TBL1X: variants seen among roughly 807,000 people sequenced by gnomAD.
TBL1X encodes the protein transducin beta like 1 X-linked, also known as F-box-like/WD repeat-containing protein TBL1X.
A neutral mutation model predicts 50.7 loss-of-function variants in TBL1X; 10 were observed. That is an observed-to-expected ratio of 0.20 (90% confidence interval 0.12 to 0.33). The LOEUF (loss-of-function observed/expected upper bound fraction) is 0.33. Among genes scored for constraint, TBL1X ranks in the 10% least tolerant of loss-of-function variants. The pLI, the probability that TBL1X is intolerant of heterozygous loss-of-function variation, is 1.00. For missense variants in TBL1X, 340 were observed against 504.4 expected, an observed-to-expected ratio of 0.67 and a Z score of 3.12; for synonymous variants, 190 against 214.7, an observed-to-expected ratio of 0.88 and a Z score of 1.01.
intron 5 of TBL1X, among the ~76,000 whole-genome samples, chrX:9,662,379 G>A (rs1479148866): frequency 1.8e-5 from 2 of 112,085 alleles, no homozygotes; most frequent in Non-Finnish European, 3.8e-5. Flanking sequence ...TCATGACTCA[G>A]CTTTGAAAAG....
At chrX:9,715,826 T>G (rs2083274934) in intron 17 of TBL1X, among the ~76,000 whole-genome samples, 1 of 91,482 alleles carries the variant, frequency 1.1e-5, no homozygotes, top group Non-Finnish European at 2.1e-5. Context: ...TGCCCTGACC[T>G]CTGGGGCAAG....
At chrX:9,537,281 CCT>C (rs1015809170) in intron 2 of TBL1X, among the ~76,000 whole-genome samples, 2 of 110,754 alleles carry the variant, frequency 1.8e-5, no homozygotes, top group African/African-American at 6.6e-5. Flanking sequence ...AGATAGGTTT[CCT>C]CTCTCTACTG....
At chrX:9,474,298 A>T (rs1056388167) in intron 1 of TBL1X, among the ~76,000 whole-genome samples, 9 of 113,181 alleles carry the variant, frequency 8.0e-5, no homozygotes, top group African/African-American at 2.9e-4. Flanking sequence ...AACATTTATG[A>T]TGTAGGTCCC....
intron 2 of TBL1X, among the ~76,000 whole-genome samples, chrX:9,516,089 G>C (rs1439994172): frequency 9.0e-6 from 1 of 111,134 alleles, no homozygotes; most frequent in Non-Finnish European, 1.9e-5. Flanking sequence ...TGTGGTCACA[G>C]CTGGTTCATG....
chrX:9,574,714 A>C (rs1387606364), intron 2 of TBL1X, among the ~76,000 whole-genome samples: 2 of 109,671 alleles, frequency 1.8e-5, no homozygotes, highest in East Asian at 5.8e-4. Context: ...CATTCCCCTC[A>C]CTCCTGCCTC....
At chrX:9,570,173 G>A (rs773288120) in intron 2 of TBL1X, among the ~76,000 whole-genome samples, 1 of 112,244 alleles carries the variant, frequency 8.9e-6, no homozygotes, top group South Asian at 3.7e-4. Context: ...TTGGTAAAAC[G>A]ATTCCTCTCC....
rs113718584 is a variant in TBL1X, at chrX:9,604,079, G to A, written c.-130-36194G>A. Reference sequence around the variant, plus strand: ...TAGGACTTTAGCATGTGATTTCTGCGGACTCAGGTCACCCCATAACAGTAG... The same window carrying A: ...TAGGACTTTAGCATGTGATTTCTGCAGACTCAGGTCACCCCATAACAGTAG... On this transcript the variant is annotated intron_variant, in intron 2 of 17. Coordinates refer to ENST00000645353, the MANE Select transcript of TBL1X (RefSeq NM_005647.4). Among the ~76,000 whole-genome samples the A allele has an allele frequency of 8.0e-3, 891 of 111,457 alleles. 10 individuals are homozygous for A. The highest frequency in any genetic ancestry group is 0.027 in the African/African-American group (829 of 30,623).
chrX:9,715,837 C>T (rs1012114419), intron 17 of TBL1X, among the ~76,000 whole-genome samples: 3 of 90,333 alleles, frequency 3.3e-5, no homozygotes, highest in Non-Finnish European at 6.4e-5. Flanking sequence ...CTGGGGCAAG[C>T]GGCCGTTCTG....
chrX:9,531,675 C>T (rs1196095686), intron 2 of TBL1X, among the ~76,000 whole-genome samples: 2 of 109,741 alleles, frequency 1.8e-5, no homozygotes, highest in Non-Finnish European at 3.8e-5. Flanking sequence ...GAGGCCGAGG[C>T]GGGAGGATCC....
intron 2 of TBL1X, among the ~76,000 whole-genome samples, chrX:9,582,973 C>A (rs2082450092): frequency 8.9e-6 from 1 of 112,635 alleles, no homozygotes; most frequent in Non-Finnish European, 1.9e-5. Flanking sequence ...GTGATTTTTA[C>A]CTATAAACAT....
intron 12 of TBL1X, among the ~76,000 whole-genome samples, chrX:9,701,949 C>T (rs1301284673): frequency 4.5e-5 from 5 of 111,749 alleles, no homozygotes; most frequent in African/African-American, 9.8e-5. Context: ...TGCTGACACC[C>T]GCGTCCTCCC....
intron 2 of TBL1X, among the ~76,000 whole-genome samples, chrX:9,593,515 A>C (rs2082512771): frequency 9.0e-6 from 1 of 110,647 alleles, no homozygotes; most frequent in Non-Finnish European, 1.9e-5. Context: ...GTTACCCTAA[A>C]CACTGCCAAC....
chrX:9,649,867 C>T (rs2082824247), intron 3 of TBL1X, among the ~76,000 whole-genome samples: 1 of 112,023 alleles, frequency 8.9e-6, no homozygotes, highest in Non-Finnish European at 1.9e-5. Context: ...TGGCTCACTG[C>T]AGCCTCAGCC....
intron 15 of TBL1X, among the ~76,000 whole-genome samples, chrX:9,711,084 G>A (rs1352589066): frequency 9.0e-6 from 1 of 111,649 alleles, no homozygotes; most frequent in Non-Finnish European, 1.9e-5. Context: ...GCTTACACCT[G>A]TAATCCCAAC....
intron 2 of TBL1X, among the ~76,000 whole-genome samples, chrX:9,624,604 T>C (rs774219582): frequency 8.9e-6 from 1 of 112,087 alleles, no homozygotes; most frequent in Non-Finnish European, 1.9e-5. Context: ...TTTTCTTGTA[T>C]TTGGGTTTTG....
chrX:9,620,303 A>G (rs1415743149), intron 2 of TBL1X, among the ~76,000 whole-genome samples: 1 of 112,281 alleles, frequency 8.9e-6, no homozygotes, highest in Non-Finnish European at 1.9e-5. Context: ...TGAAGTTTGT[A>G]TATTTATCCG....
In TBL1X at chrX:9,653,648, T is replaced by C; in HGVS notation, c.62T>C (p.Met21Thr). The C allele has an allele frequency of 1.7e-6, 2 of 1,173,387 alleles. No individual in the cohort carries two copies. The highest frequency in any genetic ancestry group is 2.3e-4 in the Middle Eastern group (1 of 4,324). ...CACCGCCCTGCAGGAAGAGGGGCCA[T>C]GCAGTCAGTCTTGCACCACTTTCAA... ...CCHRPAGRGA[M>T]QSVLHHFQRL... Residue 21 changes from methionine to threonine, a missense_variant, in exon 4 of 18, where the codon ATG becomes ACG. Transcript: ENST00000645353.
intron 5 of TBL1X, among the ~76,000 whole-genome samples, chrX:9,670,485 G>A (rs1237062847): frequency 1.8e-5 from 2 of 112,142 alleles, no homozygotes; most frequent in African/African-American, 6.5e-5. Context: ...GGCTCTGCAT[G>A]AATTAAACTC....
At chrX:9,569,467 C>G (rs1471719499) in intron 2 of TBL1X, among the ~76,000 whole-genome samples, 2 of 111,956 alleles carry the variant, frequency 1.8e-5, no homozygotes, top group African/African-American at 6.5e-5. Context: ...ATGTCCTGAG[C>G]TCACGCCTTC....
Sources: allele counts gnomAD v4.1 joint callset (sites outside exome capture counted in the v4.1 genomes callset), GRCh38; gene constraint gnomAD v4.1.1; transcripts MANE v1.5; gene names NCBI Gene and HGNC (gene_info 2026-07-23, HGNC 2026-07-21).